EYS: variants seen among roughly 807,000 people sequenced by gnomAD.
EYS encodes protein eyes shut homolog.
Under a neutral mutation model 282.1 loss-of-function variants are expected in EYS, and 250 were observed. The observed-to-expected ratio is 0.89, with a 90% CI of 0.80 to 0.98. The LOEUF is 0.98. EYS is among the 50% of genes least tolerant of loss of function. EYS has a pLI of 0.00. For synonymous variants in EYS, 1,355 were observed against 1,282.9 expected (o/e 1.06, Z -1.20); for missense variants, 4,016 against 3,709.0 (o/e 1.08, Z -2.15).
chr6:65,391,318 T>A (rs1207990831), intron 7 of EYS, among the ~76,000 whole-genome samples: 1 of 152,176 alleles, frequency 6.6e-6, no homozygotes, highest in Admixed American at 6.6e-5. Context: ...ATATTTTTAA[T>A]AGTTATATAG....
chr6:65,671,604 C>T (rs1230271002), intron 1 of EYS, among the ~76,000 whole-genome samples: 1 of 151,950 alleles, frequency 6.6e-6, no homozygotes, highest in Non-Finnish European at 1.5e-5. Context: ...AGTACCAAAC[C>T]CTCCTCTGAA....
intron 34 of EYS, among the ~76,000 whole-genome samples, chr6:63,987,788 G>T (rs1038898724): frequency 6.6e-6 from 1 of 151,592 alleles, no homozygotes; most frequent in Non-Finnish European, 1.5e-5. Flanking sequence ...TAAGTTAGGG[G>T]TCTGGTGGGA....
chr6:64,982,496 C>T (rs1470633824), intron 14 of EYS, among the ~76,000 whole-genome samples: 4 of 151,062 alleles, frequency 2.6e-5, no homozygotes, highest in Non-Finnish European at 5.9e-5. Context: ...TTATAAATTA[C>T]ATGTATTTTG....
At chr6:64,390,194 G>A (rs1053167411) in intron 28 of EYS, among the ~76,000 whole-genome samples, 2 of 152,278 alleles carry the variant, frequency 1.3e-5, no homozygotes, top group South Asian at 4.1e-4. Context: ...GCGAGGCTGG[G>A]GGAGGGGTGC....
At chr6:64,999,999 G>A (rs537400555) in intron 13 of EYS, among the ~76,000 whole-genome samples, 1 of 152,290 alleles carries the variant, frequency 6.6e-6, no homozygotes, top group South Asian at 2.1e-4. Context: ...AAAGCCCTCT[G>A]TCCTTGTGAC....
At chr6:65,608,045 C>A (rs1765861645) in intron 2 of EYS, among the ~76,000 whole-genome samples, 1 of 151,900 alleles carries the variant, frequency 6.6e-6, no homozygotes, top group Non-Finnish European at 1.5e-5. Flanking sequence ...ACACATTCAG[C>A]AATCTTTAGA....
intron 12 of EYS, among the ~76,000 whole-genome samples, chr6:65,181,497 A>T (rs1399460148): frequency 3.3e-5 from 5 of 152,158 alleles, no homozygotes; most frequent in Admixed American, 2.6e-4. Context: ...GCAAATCAAA[A>T]CCATAATGAG....
intron 14 of EYS, among the ~76,000 whole-genome samples, chr6:64,959,245 C>A (rs1439705928): frequency 6.6e-6 from 1 of 152,110 alleles, no homozygotes; most frequent in Non-Finnish European, 1.5e-5. Context: ...ATAATAATTC[C>A]AAGAAGCAAA....
At chr6:65,313,490 A>G (rs1769217447) in intron 11 of EYS, among the ~76,000 whole-genome samples, 1 of 151,104 alleles carries the variant, frequency 6.6e-6, no homozygotes, top group South Asian at 2.1e-4. Context: ...GCCTCCAAAT[A>G]CGGTCTTTCT....
chr6:64,759,506 T>C lies in EYS; in HGVS notation c.3443+53872A>G, dbSNP rs138057351. Among the ~76,000 whole-genome samples, 1,208 of 152,318 alleles carry C rather than the reference T, an allele frequency of 7.9e-3. 5 individuals are homozygous for C. Among genetic ancestry groups the C allele is most frequent in the Non-Finnish European group, 0.014 (944 of 68,034 alleles). On this transcript the variant is annotated intron_variant, in intron 22 of 42. Coordinates refer to ENST00000503581, the MANE Select transcript of EYS (RefSeq NM_001142800.2). The stretch of plus-strand genomic sequence containing the variant: ...AAATTGTATAAGCAAAATCATCCTA[T>C]TTTTAGGCAAATATAACTAATAATT...
intron 33 of EYS, among the ~76,000 whole-genome samples, chr6:63,999,975 G>A (rs1768003609): frequency 6.6e-6 from 1 of 151,900 alleles, no homozygotes; most frequent in African/African-American, 2.4e-5. Context: ...TATTTCGTAG[G>A]GACAATACAA....
At chr6:64,451,422 C>T (rs1261132648) in intron 26 of EYS, among the ~76,000 whole-genome samples, 3 of 152,088 alleles carry the variant, frequency 2.0e-5, no homozygotes. Context: ...CCGAATTCTA[C>T]CAGAGGTACA....
intron 29 of EYS, among the ~76,000 whole-genome samples, chr6:64,369,007 G>C (rs1772265650): frequency 6.6e-6 from 1 of 152,034 alleles, no homozygotes; most frequent in African/African-American, 2.4e-5. Flanking sequence ...GTATTTCCTA[G>C]GTTATCTTCC....
intron 22 of EYS, among the ~76,000 whole-genome samples, chr6:64,757,428 CA>C (rs1349675399): frequency 6.6e-6 from 1 of 150,588 alleles, no homozygotes; most frequent in African/African-American, 2.5e-5. Context: ...AAAAGACATG[CA>C]TTTTTTTTTT....
At chr6:64,650,314 G>A (rs1302170133) in intron 22 of EYS, among the ~76,000 whole-genome samples, 2 of 151,764 alleles carry the variant, frequency 1.3e-5, no homozygotes, top group South Asian at 2.1e-4. Flanking sequence ...ATTAATAAAA[G>A]TGGTAACACA....
At chr6:65,687,774 C>T (rs571009738) in intron 1 of EYS, among the ~76,000 whole-genome samples, 3 of 152,238 alleles carry the variant, frequency 2.0e-5, no homozygotes, top group Non-Finnish European at 4.4e-5. Context: ...CACAAGCATT[C>T]TTATACACCA....
chr6:65,352,706 T>C (rs550299931), intron 9 of EYS, among the ~76,000 whole-genome samples: 51 of 152,064 alleles, frequency 3.4e-4, no homozygotes, highest in African/African-American at 1.2e-3. Flanking sequence ...CCCTAGCTTT[T>C]TTCCTTCTCT....
chr6:64,167,439 A>T (rs1764325164), intron 31 of EYS, among the ~76,000 whole-genome samples: 1 of 152,182 alleles, frequency 6.6e-6, no homozygotes, highest in Non-Finnish European at 1.5e-5. Flanking sequence ...GAATAGTGCC[A>T]TCACTTGGCT....
chr6:65,581,282 T>C (rs1005579108), intron 2 of EYS, among the ~76,000 whole-genome samples: 4 of 152,152 alleles, frequency 2.6e-5, no homozygotes, highest in East Asian at 3.9e-4. Flanking sequence ...TTTACAAATA[T>C]ATGATTTATA....
Sources: gnomAD v4.1 joint callset for allele counts (sites outside exome capture counted in the v4.1 genomes callset) on GRCh38, gnomAD v4.1.1 for gene constraint, MANE v1.5 for transcripts, NCBI Gene and HGNC (gene_info 2026-07-23, HGNC 2026-07-21) for gene names.